The following GIT2 variants were observed in gnomAD, a reference collection of about 807,000 sequenced individuals.
GIT2 encodes the protein ARF GTPase-activating protein GIT2.
In GIT2, 32 loss-of-function variants were observed where a neutral mutation model predicts 100.3. The observed-to-expected ratio is 0.32, with a 90% CI of 0.24 to 0.43. The LOEUF is 0.43. Among genes scored for constraint, GIT2 ranks in the 20% least tolerant of loss-of-function variants. The pLI is 1.00. For synonymous variants in GIT2, 353 were observed against 364.1 expected, an observed-to-expected ratio of 0.97 and a Z score of 0.35; for missense variants, 737 against 975.1, an observed-to-expected ratio of 0.76 and a Z score of 3.25.
chr12:109,966,401 C>T (rs112167922), intron 8 of GIT2, among the ~76,000 whole-genome samples: 169 of 146,766 alleles, frequency 1.2e-3, no homozygotes, highest in African/African-American at 4.1e-3. Context: ...CCCAGCAACT[C>T]GGGAGGCGGA....
In GIT2 at chr12:109,962,740, T is replaced by C. The variant is rs1881388481; in HGVS notation, c.817-1055A>G. Among the ~76,000 whole-genome samples the C allele has an allele frequency of 6.6e-6, 1 of 152,248 alleles. No homozygotes were observed. The highest frequency in any genetic ancestry group is 1.5e-5 in the Non-Finnish European group (1 of 68,044). On this transcript the variant is annotated intron_variant, in intron 9 of 19. Coordinates refer to ENST00000355312, the MANE Select transcript of GIT2 (RefSeq NM_057169.5). The surrounding 1 kb of genome is among the most constrained non-coding windows in gnomAD (Gnocchi z 4.3). Reference sequence around the variant, plus strand: ...AGGGCAGATGCTGAATCTGTTATATTCCCTATTGGGTTCCTTACATCCACA... The same window carrying C: ...AGGGCAGATGCTGAATCTGTTATATCCCCTATTGGGTTCCTTACATCCACA...
chr12:109,961,032 G>A (rs536202725), intron 11 of GIT2, among the ~76,000 whole-genome samples: 1 of 152,222 alleles, frequency 6.6e-6, no homozygotes, highest in Admixed American at 6.5e-5. Flanking sequence ...TTACTGACAA[G>A]GTTAAACATT....
Position 109,991,635 on chromosome 12 carries a change from G to A in GIT2, c.178C>T (p.Leu60=). ...HLKHTPWPPT[L]LQMVETLYNN... Reference sequence around the variant, plus strand: ...GAATTCTTATCCTTTACCTGAAGCAGTGTTGGAGGCCACGGTGTGTGTTTC... The same window carrying A: ...GAATTCTTATCCTTTACCTGAAGCAATGTTGGAGGCCACGGTGTGTGTTTC... The change falls in exon 2 of 20, where the codon CTG becomes TTG. Residue 60 remains leucine (L), a synonymous_variant. Coordinates refer to ENST00000355312, the MANE Select transcript of GIT2 (RefSeq NM_057169.5). The A allele has an allele frequency of 1.2e-6, 2 of 1,612,746 alleles. No individual in the cohort carries two copies. Among genetic ancestry groups the A allele is most frequent in the Non-Finnish European group, 1.7e-6 (2 of 1,178,750 alleles).
intron 7 of GIT2, among the ~76,000 whole-genome samples, chr12:109,980,025 A>G (rs894930526): frequency 6.6e-6 from 1 of 152,300 alleles, no homozygotes; most frequent in South Asian, 2.1e-4. Flanking sequence ...AGCCATACAC[A>G]AGGTATAAAT....
intron 1 of GIT2, among the ~76,000 whole-genome samples, chr12:109,995,476 A>T (rs1016824505): frequency 1.3e-5 from 2 of 152,318 alleles, no homozygotes; most frequent in Non-Finnish European, 2.9e-5. Context: ...CTCACCACTA[A>T]GCGTGATACT....
chr12:109,943,072 C>T (rs900056527), intron 16 of GIT2: 1 of 152,182 alleles, frequency 6.6e-6, no homozygotes, highest in East Asian at 1.9e-4. Context: ...CCATAAAAAT[C>T]TAAACTCATG....
chr12:109,976,593 CTTTTT>C (rs938104261), intron 7 of GIT2, among the ~76,000 whole-genome samples: 24 of 104,414 alleles, frequency 2.3e-4, no homozygotes, highest in Non-Finnish European at 4.3e-4. Context: ...GTTTTCTTTT[CTTTTT>C]TTTTTTTTTT....
chr12:109,955,509 T>A (rs1365122710), intron 12 of GIT2, among the ~76,000 whole-genome samples: 1 of 152,210 alleles, frequency 6.6e-6, no homozygotes, highest in Non-Finnish European at 1.5e-5. Context: ...AATCAATATA[T>A]AACCTTGTTC....
chr12:109,990,511 C>T (rs1888169138), intron 2 of GIT2, among the ~76,000 whole-genome samples: 1 of 152,212 alleles, frequency 6.6e-6, no homozygotes, highest in Non-Finnish European at 1.5e-5. Flanking sequence ...GGCATGACTC[C>T]TAAAACAGCC....
At chr12:109,953,388 G>A (rs1010876640) in intron 12 of GIT2, 154 bp from the exon 13 acceptor site, 3 of 686,758 alleles carry the variant, frequency 4.4e-6, no homozygotes, top group Non-Finnish European at 7.5e-6. Flanking sequence ...AGGAGGCCAA[G>A]GAGGAGAACT....
In GIT2 at chr12:109,961,270, C is replaced by G. The variant is rs779501946; in HGVS notation, c.987+8G>C. 6.6e-7 allele frequency: 1 copy of G among 1,520,082 alleles called. No homozygotes were observed. The highest frequency in any genetic ancestry group is 1.7e-5 in the Admixed American group (1 of 59,718). 94.2% of individuals were successfully genotyped at this position (1,520,082 alleles called of 1,614,324 possible). A position where few individuals can be genotyped will look rare whatever the true frequency, so the allele number is the denominator to read the frequency against. ...AACTACTATTCCTTTCCAAACTGAG[C>G]CACTTGCCTGATTTCGTGTTGATGA... On this transcript the variant is annotated splice_region_variant and intron_variant, in intron 11 of 19. Coordinates refer to ENST00000355312, the MANE Select transcript of GIT2 (RefSeq NM_057169.5).
At chr12:109,989,563 T>A in intron 3 of GIT2, 127 bp downstream of exon 3, 1 of 618,898 alleles carries the variant, frequency 1.6e-6, no homozygotes, top group Non-Finnish European at 2.9e-6. Flanking sequence ...GCAAAGAACC[T>A]GATGCACAAC....
Position 109,948,275 on chromosome 12 carries a change from A to G in GIT2, c.1393-771T>C. 1 of 986,690 alleles carries G rather than the reference A, an allele frequency of 1.0e-6. No individual in the cohort carries two copies. Among genetic ancestry groups the G allele is most frequent in the Non-Finnish European group, 1.2e-6 (1 of 830,800 alleles). The allele number at this position is 986,690 out of a possible 1,614,324, so 61.1% of individuals were successfully genotyped here. ...GCTTGCTTCCGTCTGGTGAGTGATC[A>G]TCTTTCGGCCAGGGCTGGAATATTT... On this transcript the variant is annotated intron_variant, in intron 14 of 19. Coordinates refer to ENST00000355312, the MANE Select transcript of GIT2 (RefSeq NM_057169.5). The surrounding 1 kb of genome is among the most constrained non-coding windows in gnomAD (Gnocchi z 4.3).
At chr12:109,979,528 C>T (rs1469335967) in intron 7 of GIT2, among the ~76,000 whole-genome samples, 1 of 152,138 alleles carries the variant, frequency 6.6e-6, no homozygotes, top group African/African-American at 2.4e-5. Flanking sequence ...CCACCTCAGC[C>T]TCCCAAAGTG....
intron 16 of GIT2, among the ~76,000 whole-genome samples, chr12:109,941,972 G>A (rs533632858): frequency 2.0e-5 from 3 of 151,846 alleles, no homozygotes; most frequent in Non-Finnish European, 2.9e-5. Flanking sequence ...CCACAGGCCC[G>A]TGCCACCACG....
chr12:109,986,031 G>A (rs990481189), intron 4 of GIT2, among the ~76,000 whole-genome samples: 14 of 151,038 alleles, frequency 9.3e-5, no homozygotes, highest in East Asian at 2.0e-4. Context: ...AGACTCTGTC[G>A]TTTAGGCTGG....
intron 1 of GIT2, among the ~76,000 whole-genome samples, chr12:109,992,567 G>A (rs1286568885): frequency 6.6e-6 from 1 of 152,194 alleles, no homozygotes; most frequent in Admixed American, 6.5e-5. Context: ...AGAAAGCTGC[G>A]AGTTACAGAA....
At position 109,951,153 on chromosome 12, in the gene GIT2, T is replaced by TA; in HGVS notation, c.1392+13dup. The TA allele has an allele frequency of 6.2e-7, 1 of 1,609,854 alleles. No homozygotes were observed. Among genetic ancestry groups the TA allele is most frequent in the Non-Finnish European group, 8.5e-7 (1 of 1,176,092 alleles). ...TTAAAGCGTCAACCGTCCTGGCATT[T>TA]ATTAACATGTTACCTTTTTCTGCAT... On this transcript the variant is annotated intron_variant, in intron 14 of 19. Transcript: ENST00000355312.
intron 7 of GIT2, among the ~76,000 whole-genome samples, chr12:109,980,216 C>T (rs1485607040): frequency 1.3e-5 from 2 of 152,002 alleles, no homozygotes; most frequent in African/African-American, 4.8e-5. Flanking sequence ...GCGCACACCA[C>T]CATGCCTGGC....
Sources: allele counts gnomAD v4.1 joint callset (sites outside exome capture counted in the v4.1 genomes callset), GRCh38; gene constraint gnomAD v4.1.1; non-coding constraint Gnocchi (gnomAD v3.1); transcripts MANE v1.5; gene names NCBI Gene and HGNC (gene_info 2026-07-23, HGNC 2026-07-21).